Variants in DHRSX observed in about 807,000 individuals in gnomAD.
DHRSX encodes the protein polyprenol dehydrogenase.
In DHRSX, 31 loss-of-function variants were observed where a neutral mutation model predicts 34.0. The observed-to-expected ratio is 0.91, with a 90% confidence interval of 0.69 to 1.23. DHRSX has a LOEUF of 1.23. DHRSX is among the 50% of genes most tolerant of loss of function. DHRSX has a pLI of 0.00. For synonymous variants in DHRSX, 201 were observed against 183.8 expected (o/e 1.09, Z -0.76); for missense variants, 414 against 428.1 (o/e 0.97, Z 0.29).
intron 3 of DHRSX, among the ~76,000 whole-genome samples, chrX:2,404,789 G>A (rs187472881): frequency 8.6e-5 from 13 of 151,512 alleles, no homozygotes; most frequent in African/African-American, 2.4e-4. Flanking sequence ...TTCAAAACTC[G>A]GTCCTTTAAA....
chrX:2,422,375 G>A (rs1475566026), intron 2 of DHRSX, among the ~76,000 whole-genome samples: 4 of 152,030 alleles, frequency 2.6e-5, no homozygotes, highest in Non-Finnish European at 5.9e-5. Flanking sequence ...CGATGCTCCC[G>A]CCTCAGCCTC....
chrX:2,241,132 C>T (rs753423295), intron 6 of DHRSX, among the ~76,000 whole-genome samples: 2 of 151,634 alleles, frequency 1.3e-5, no homozygotes, highest in Admixed American at 6.6e-5. Flanking sequence ...TGCAGCGAGC[C>T]GAGATCACAC....
At chrX:2,275,421 A>G (rs1252544736) in intron 4 of DHRSX, among the ~76,000 whole-genome samples, 3 of 151,806 alleles carry the variant, frequency 2.0e-5, no homozygotes, top group South Asian at 2.1e-4. Flanking sequence ...AGGCAGGAGA[A>G]TTTCTGGAAC....
At chrX:2,395,323 C>G (rs953741326) in intron 3 of DHRSX, among the ~76,000 whole-genome samples, 1 of 152,164 alleles carries the variant, frequency 6.6e-6, no homozygotes, top group Non-Finnish European at 1.5e-5. Context: ...CAACACACCT[C>G]GGCCACTGGG....
At chrX:2,494,786 G>A (rs2045241278) in intron 1 of DHRSX, among the ~76,000 whole-genome samples, 1 of 151,920 alleles carries the variant, frequency 6.6e-6, no homozygotes, top group South Asian at 2.1e-4. Context: ...TTGGTTGAAA[G>A]AGGTCCCAGT....
At chrX:2,323,505 G>A (rs2042338271) in intron 3 of DHRSX, among the ~76,000 whole-genome samples, 1 of 152,274 alleles carries the variant, frequency 6.6e-6, no homozygotes, top group East Asian at 1.9e-4. Flanking sequence ...GTACACGCCT[G>A]TAATCCCAGC....
At chrX:2,365,415 C>T (rs1348347241) in intron 3 of DHRSX, among the ~76,000 whole-genome samples, 1 of 152,136 alleles carries the variant, frequency 6.6e-6, no homozygotes, top group Non-Finnish European at 1.5e-5. Flanking sequence ...GCTGGGATTA[C>T]AGGTGTGAGC....
chrX:2,298,985 CAAAAAAAAA>C lies in DHRSX; in HGVS notation c.287-7391_287-7383del, dbSNP rs1162323678. On this transcript the variant is annotated intron_variant, in intron 3 of 6. Coordinates refer to ENST00000334651, the MANE Select transcript of DHRSX (RefSeq NM_145177.3). ...GGGCAACAAGAGTGAAACTCTGTCT[CAAAAAAAAA>C]AAAAAAAAAAAAAAAAAAAATGGGA... is the stretch of plus-strand genomic sequence containing the variant. 8.3e-3 allele frequency among the ~76,000 whole-genome samples: 736 copies of C among 88,530 alleles called. 7 individuals carry two copies. The highest frequency in any genetic ancestry group is 0.021 in the Middle Eastern group (4 of 190). 58.1% of individuals were successfully genotyped at this position (88,530 alleles called of 152,430 possible).
At chrX:2,342,822 C>T (rs2042657390) in intron 3 of DHRSX, among the ~76,000 whole-genome samples, 1 of 152,136 alleles carries the variant, frequency 6.6e-6, no homozygotes, top group Admixed American at 6.6e-5. Context: ...TTTCAACTTG[C>T]AACTTAAACA....
chrX:2,313,157 C>G lies in DHRSX; in HGVS notation c.287-21554G>C, dbSNP rs190464089. On this transcript the variant is annotated intron_variant, in intron 3 of 6. Coordinates refer to ENST00000334651, the MANE Select transcript of DHRSX (RefSeq NM_145177.3). ...AGCTGGAATTACAGGCACTTGCCAC[C>G]ACACCTGGGTAATTTTTTGTATTTT... Among the ~76,000 whole-genome samples the G allele has an allele frequency of 5.3e-3, 803 of 151,168 alleles. 5 individuals are homozygous for G. Among genetic ancestry groups the G allele is most frequent in the Non-Finnish European group, 9.4e-3 (639 of 67,794 alleles).
chrX:2,220,951 G>A lies in DHRSX; in HGVS notation c.*90C>T, dbSNP rs924729034. On this transcript the variant is annotated 3_prime_UTR_variant, in exon 7 of 7. Transcript: ENST00000334651. ...GAGCCCTGTGGGCAGGTGGGTGTGA[G>A]AAACTCAAACACCGCAGTCTTCACA... 1 of 1,340,844 alleles carries A rather than the reference G, an allele frequency of 7.5e-7. No individual in the cohort carries two copies. Among genetic ancestry groups the A allele is most frequent in the Admixed American group, 2.1e-5 (1 of 48,228 alleles). The allele number at this position is 1,340,844 out of a possible 1,614,324, so 83.1% of individuals were successfully genotyped here.
intron 1 of DHRSX, among the ~76,000 whole-genome samples, chrX:2,428,844 C>T (rs934658346): frequency 1.3e-5 from 2 of 152,116 alleles, no homozygotes; most frequent in Non-Finnish European, 2.9e-5. Flanking sequence ...TGTGTCTCCT[C>T]TCCCCCCAAA....
At chrX:2,490,910 T>C (rs2045120141) in intron 1 of DHRSX, 2 of 710,574 alleles carry the variant, frequency 2.8e-6, no homozygotes, top group Non-Finnish European at 4.6e-6. Flanking sequence ...GGACCTTCCT[T>C]GCGGGTCACT....
intron 1 of DHRSX, among the ~76,000 whole-genome samples, chrX:2,468,138 C>G (rs6567552): frequency 4.6e-5 from 7 of 151,860 alleles, no homozygotes; most frequent in Non-Finnish European, 2.9e-5. Context: ...GTCTCTGATG[C>G]GATGGGGGCA....
intron 3 of DHRSX, among the ~76,000 whole-genome samples, chrX:2,393,365 C>T (rs1313205843): frequency 6.6e-6 from 1 of 152,026 alleles, no homozygotes. Flanking sequence ...TTGACGCCTC[C>T]CATCTCCTGT....
At chrX:2,304,525 C>A (rs1416223184) in intron 3 of DHRSX, among the ~76,000 whole-genome samples, 3 of 152,056 alleles carry the variant, frequency 2.0e-5, no homozygotes, top group Non-Finnish European at 4.4e-5. Flanking sequence ...GTGCCATCCC[C>A]TGGGTGCTGT....
chrX:2,222,940 G>T (rs1296540022), intron 6 of DHRSX, among the ~76,000 whole-genome samples: 3 of 152,174 alleles, frequency 2.0e-5, no homozygotes, highest in African/African-American at 7.2e-5. Context: ...CCCCAGTAGA[G>T]GAACAGAGCT....
intron 6 of DHRSX, among the ~76,000 whole-genome samples, chrX:2,224,992 GCA>G (rs1424474006): frequency 1.5e-3 from 209 of 139,914 alleles, no homozygotes; most frequent in Non-Finnish European, 2.2e-3. Flanking sequence ...TAATTCACAT[GCA>G]CACACACATG....
chrX:2,476,955 T>C (rs2044689444), intron 1 of DHRSX, among the ~76,000 whole-genome samples: 1 of 151,950 alleles, frequency 6.6e-6, no homozygotes, highest in African/African-American at 2.4e-5. Flanking sequence ...TGAGCCGAGA[T>C]CATACCACTG....
Sources: gnomAD v4.1 joint callset for allele counts (sites outside exome capture counted in the v4.1 genomes callset) on GRCh38, gnomAD v4.1.1 for gene constraint, MANE v1.5 for transcripts, NCBI Gene and HGNC (gene_info 2026-07-23, HGNC 2026-07-21) for gene names.